Variants in NEFM observed in about 807,000 individuals in gnomAD.
NEFM encodes neurofilament medium chain.
Under a neutral mutation model 48.1 loss-of-function variants are expected in NEFM, and 16 were observed. That is an observed-to-expected ratio of 0.33 (90% CI 0.23 to 0.51). The LOEUF is 0.51. Ranked by LOEUF, NEFM falls within the 20% of genes least tolerant of loss-of-function variation. The probability of loss-of-function intolerance (pLI) is 0.98; values close to 1 mark genes in which losing one functional copy is unlikely to be tolerated. For synonymous variants in NEFM, 465 were observed against 456.9 expected, an observed-to-expected ratio of 1.02 and a Z score of -0.23; for missense variants, 1,107 against 1,136.0, an observed-to-expected ratio of 0.97 and a Z score of 0.37.
In NEFM at chr8:24,918,048, G is replaced by A; in HGVS notation, c.2193G>A (p.Lys731=). The A allele has an allele frequency of 1.9e-6, 3 of 1,555,794 alleles. No individual in the cohort carries two copies. The South Asian group carries it at 3.5e-5, about 18-fold the overall frequency. Residue 731 remains lysine, a synonymous_variant, in exon 3 of 3, where the codon AAG becomes AAA. Transcript: ENST00000221166. ...KEEKPKDVPE[K]KKAESPVKEE... is the part of the protein sequence containing the mutation. ...AGAAACCAAAGGATGTGCCAGAGAAGAAGAAAGCTGAGTCCCCTGTAAAGG... is the reference window on the plus strand; with the variant it reads ...AGAAACCAAAGGATGTGCCAGAGAAAAAGAAAGCTGAGTCCCCTGTAAAGG...
In NEFM at chr8:24,914,915, C is replaced by G. The variant is rs774255083; in HGVS notation, c.1080+42C>G. On this transcript the variant is annotated intron_variant, in intron 1 of 2. Coordinates refer to ENST00000221166, the MANE Select transcript of NEFM (RefSeq NM_005382.2). ...CGCGGCCAGCCTGCGCCAGCGCCAG[C>G]GCCGCGCGCCCCCGACACTTGGGCT... 7 of 1,541,260 alleles carry G rather than the reference C, an allele frequency of 4.5e-6. No individual in the cohort carries two copies. In the Admixed American group the frequency reaches 9.8e-5, roughly 22 times the overall value.
Position 24,914,369 on chromosome 8 carries a change from G to C in NEFM, c.576G>C (p.Glu192Asp). ...IHRLKERFEE[E>D]ARLRDDTEAA... Reference sequence around the variant, plus strand: ...GGCTCAAGGAGCGCTTTGAGGAGGAGGCGCGGTTGCGCGACGACACTGAGG... The same window carrying C: ...GGCTCAAGGAGCGCTTTGAGGAGGACGCGCGGTTGCGCGACGACACTGAGG... Residue 192 changes from glutamate to aspartate, a missense_variant, in exon 1 of 3, where the codon GAG becomes GAC. Glu to Asp is a conservative substitution (Grantham distance 45). Around this residue, in one of 3 missense-constraint regions of NEFM, gnomAD observed 917 missense variants for 916.4 expected, o/e 1.00. Transcript: ENST00000221166. The C allele has an allele frequency of 6.2e-7, 1 of 1,613,646 alleles. No homozygotes were observed. Among genetic ancestry groups the C allele is most frequent in the Non-Finnish European group, 8.5e-7 (1 of 1,179,974 alleles).
rs1586110357 is a variant in NEFM at position 24,918,271 on chromosome 8, G to A, written c.2416G>A (p.Val806Ile). The A allele has an allele frequency of 6.3e-7, 1 of 1,597,902 alleles. No homozygotes were observed. The highest frequency in any genetic ancestry group is 1.8e-5 in the Admixed American group (1 of 56,898). Residue 806 changes from valine to isoleucine, a missense_variant, in exon 3 of 3, where the codon GTA becomes ATA. By Grantham distance (29) the Val-to-Ile change is conservative. This residue lies in a region of NEFM where 917 missense variants were observed against 916.4 expected (regional missense o/e 1.00). Transcript: ENST00000221166. ...RKEDIAVNGE[V>I]EGKEEVEQET... ...GGAAGACATAGCTGTCAATGGGGAGGTAGAAGGAAAAGAGGAGGTAGAGCA... is the reference window on the plus strand; with the variant it reads ...GGAAGACATAGCTGTCAATGGGGAGATAGAAGGAAAAGAGGAGGTAGAGCA...
chr8:24,915,796 T>C lies in NEFM; in HGVS notation c.1205+67T>C, dbSNP rs957473678. ...GTGCAGAGGCTGTTCCGGCAGAGCT[T>C]CCACCACTTAAGTTAAAGCAGGCAG... On this transcript the variant is annotated intron_variant, in intron 2 of 2. Coordinates refer to ENST00000221166, the MANE Select transcript of NEFM (RefSeq NM_005382.2). 8.1e-6 allele frequency: 13 copies of C among 1,610,478 alleles called. No individual in the cohort carries two copies. In the East Asian group the frequency reaches 2.9e-4, roughly 36 times the overall value.
Position 24,917,826 on chromosome 8 carries a change from G to T in NEFM, c.1971G>T (p.Pro657=), listed in dbSNP as rs371898352. 1.9e-6 allele frequency: 3 copies of T among 1,610,266 alleles called. No homozygotes were observed. Among genetic ancestry groups the T allele is most frequent in the Admixed American group, 1.7e-5 (1 of 59,678 alleles). ...PVEEKGKSPV[P]KSPVEEKGKS... ...AAGAGAAAGGCAAGTCTCCTGTGCCGAAATCACCAGTGGAAGAGAAAGGCA... is the reference window on the plus strand; with the variant it reads ...AAGAGAAAGGCAAGTCTCCTGTGCCTAAATCACCAGTGGAAGAGAAAGGCA... The change falls in exon 3 of 3, where the codon CCG becomes CCT. Residue 657 remains proline (P), a synonymous_variant. Coordinates refer to ENST00000221166, the MANE Select transcript of NEFM (RefSeq NM_005382.2).
At position 24,915,709 on chromosome 8, in the gene NEFM, T is replaced by C. The variant is rs141854965; in HGVS notation, c.1185T>C (p.Asp395=). 3.8e-5 allele frequency: 62 copies of C among 1,613,914 alleles called. No individual in the cohort carries two copies. Among genetic ancestry groups the C allele is most frequent in the South Asian group, 1.6e-4 (15 of 91,062 alleles). The change falls in exon 2 of 3, where the codon GAT becomes GAC. Residue 395 remains aspartate, a synonymous_variant. Transcript: ENST00000221166. The part of the protein sequence containing the change: ...QDLLNVKMAL[D]IEIAAYRKLL... ...TCCTCAACGTCAAGATGGCTCTGGA[T>C]ATAGAAATCGCTGCGTACAGGTACG...
At position 24,917,140 on chromosome 8, in the gene NEFM, C is replaced by T; in HGVS notation, c.1285C>T (p.Pro429Ser). ...ITGPLYTHRP[P>S]ITISSKIQKP... ...TGGGCCACTGTATACACACCGACCC[C>T]CAATCACAATATCCAGTAAGATTCA... is the stretch of plus-strand genomic sequence containing the variant. The change falls in exon 3 of 3, where the codon CCA becomes TCA. Residue 429 changes from proline to serine, a missense_variant. Physicochemically the swap from Pro to Ser is moderately conservative, Grantham distance 74 (BLOSUM62 -1). This residue lies in a region of NEFM where 917 missense variants were observed against 916.4 expected (regional missense o/e 1.00). Transcript: ENST00000221166. 1 of 1,614,120 alleles carries T rather than the reference C, an allele frequency of 6.2e-7. No individual in the cohort carries two copies. Among genetic ancestry groups the T allele is most frequent in the Non-Finnish European group, 8.5e-7 (1 of 1,180,030 alleles).
rs781332948 is a variant in NEFM at position 24,914,344 on chromosome 8, G to T, written c.551G>T (p.Arg184Leu). The T allele has an allele frequency of 6.2e-7, 1 of 1,613,576 alleles. No individual in the cohort carries two copies. The highest frequency in any genetic ancestry group is 8.5e-7 in the Non-Finnish European group (1 of 1,179,934). ...DSDHLEEDIHRLKERFEEEAR... is the reference protein window; with the variant it reads ...DSDHLEEDIHLLKERFEEEAR... ...GACCACCTGGAGGAAGACATCCACCGGCTCAAGGAGCGCTTTGAGGAGGAG... is the reference window on the plus strand; with the variant it reads ...GACCACCTGGAGGAAGACATCCACCTGCTCAAGGAGCGCTTTGAGGAGGAG... The change falls in exon 1 of 3, where the codon CGG becomes CTG. Residue 184 changes from arginine (R) to leucine (L), a missense_variant. Physicochemically the swap from Arg to Leu is moderately radical, Grantham distance 102. Coordinates refer to ENST00000221166, the MANE Select transcript of NEFM (RefSeq NM_005382.2).
At chr8:24,915,453 G>T in intron 1 of NEFM, 152 bp from the exon 2 acceptor site, 3 of 1,253,508 alleles carry the variant, frequency 2.4e-6, no homozygotes, top group Non-Finnish European at 2.3e-6. Flanking sequence ...GAAAAAGGGG[G>T]TGGGACGGGG....
chr8:24,914,612 C>T lies in NEFM; in HGVS notation c.819C>T (p.Ile273=). 1.2e-6 allele frequency: 2 copies of T among 1,614,216 alleles called. No individual in the cohort carries two copies. Among genetic ancestry groups the T allele is most frequent in the Non-Finnish European group, 1.7e-6 (2 of 1,180,042 alleles). Residue 273 remains isoleucine, a synonymous_variant, in exon 1 of 3, where the codon ATC becomes ATT. Coordinates refer to ENST00000221166, the MANE Select transcript of NEFM (RefSeq NM_005382.2). The part of the protein sequence containing the change: ...KTDISTALKE[I]RSQLESHSDQ... ...ACATCTCGACGGCGCTGAAGGAAAT[C>T]CGCTCCCAGCTCGAAAGCCACTCAG...
Position 24,914,959 on chromosome 8 carries a change from C to A in NEFM, c.1080+86C>A, listed in dbSNP as rs1048996030. ...TTGGGCTCGTGCCCAGGCGCCCTCTCCGCCGCGCTCCCTGGTGGCCGCTCG... is the reference window on the plus strand; with the variant it reads ...TTGGGCTCGTGCCCAGGCGCCCTCTACGCCGCGCTCCCTGGTGGCCGCTCG... On this transcript the variant is annotated intron_variant, in intron 1 of 2. Coordinates refer to ENST00000221166, the MANE Select transcript of NEFM (RefSeq NM_005382.2). 6 of 1,444,300 alleles carry A rather than the reference C, an allele frequency of 4.2e-6. No homozygotes were observed. The East Asian group carries it at 1.6e-4, about 38-fold the overall frequency. 89.5% of individuals were successfully genotyped at this position (1,444,300 alleles called of 1,614,324 possible).
chr8:24,915,869 A>T (rs1046407098), intron 2 of NEFM, 140 bp downstream of exon 2: 23 of 1,092,808 alleles, frequency 2.1e-5, no homozygotes, highest in Non-Finnish European at 2.8e-5. Context: ...ACTTAAAAAG[A>T]AATTATTCTA....
At chr8:24,915,242 TCGG>T in intron 1 of NEFM, 1 of 1,267,536 alleles carries the variant, frequency 7.9e-7, no homozygotes, top group South Asian at 1.9e-5. Flanking sequence ...CCGGCAGTGA[TCGG>T]AAGAGCTCTC....
In NEFM at chr8:24,917,967, A is replaced by G. The variant is rs761464723; in HGVS notation, c.2112A>G (p.Glu704=). ...AEVGKGEQKE[E]EEKEVKEAPK... The stretch of plus-strand genomic sequence containing the variant: ...TGGGGAAAGGTGAACAGAAAGAGGA[A>G]GAAGAAAAGGAAGTCAAGGAAGCTC... Residue 704 remains glutamate (E), a synonymous_variant, in exon 3 of 3, where the codon GAA becomes GAG. Transcript: ENST00000221166. 1.2e-6 allele frequency: 2 copies of G among 1,613,308 alleles called. No individual in the cohort carries two copies. The highest frequency in any genetic ancestry group is 2.2e-5 in the South Asian group (2 of 90,990).
At chr8:24,915,963 A>G (rs1349160451) in intron 2 of NEFM, among the ~76,000 whole-genome samples, 7 of 152,272 alleles carry the variant, frequency 4.6e-5, no homozygotes, top group Non-Finnish European at 1.0e-4. Context: ...TTTGAATTAC[A>G]CAAAGGAGGT....
In NEFM at chr8:24,917,423, A is replaced by T; in HGVS notation, c.1568A>T (p.Glu523Val). The T allele has an allele frequency of 6.4e-7, 1 of 1,559,098 alleles. No homozygotes were observed. Among genetic ancestry groups the T allele is most frequent in the Non-Finnish European group, 8.7e-7 (1 of 1,150,990 alleles). ...GCAACTGCACCTGAAGTTAAAGAAG[A>T]GGAAGGGGAAAAGGAGGAAGAAGAA... is the stretch of plus-strand genomic sequence containing the variant. ...VKATAPEVKE[E>V]EGEKEEEEGQ... The change falls in exon 3 of 3, where the codon GAG becomes GTG. Residue 523 changes from glutamate to valine, a missense_variant. Glu to Val is a moderately radical substitution (Grantham distance 121). Around this residue, in one of 3 missense-constraint regions of NEFM, gnomAD observed 917 missense variants for 916.4 expected, o/e 1.00. Transcript: ENST00000221166.
rs756498993 is a variant in NEFM, at chr8:24,918,476, C to T, written c.2621C>T (p.Thr874Ile). Residue 874 changes from threonine (T) to isoleucine (I), a missense_variant, in exon 3 of 3, where the codon ACT becomes ATT. Thr to Ile is a moderately conservative substitution (Grantham distance 89, BLOSUM62 -1). This residue lies in a region of NEFM where 917 missense variants were observed against 916.4 expected (regional missense o/e 1.00). Coordinates refer to ENST00000221166, the MANE Select transcript of NEFM (RefSeq NM_005382.2). ...GGAGATGGTGCTACCAAATACATCA[C>T]TAAATCTGTAACCGTCACTCAAAAG... is the stretch of plus-strand genomic sequence containing the variant. Reference protein sequence around the residue: ...EGGDGATKYITKSVTVTQKVE... With the variant: ...EGGDGATKYIIKSVTVTQKVE... The T allele has an allele frequency of 1.8e-5, 29 of 1,613,966 alleles. No individual in the cohort carries two copies. Among genetic ancestry groups the T allele is most frequent in the Non-Finnish European group, 2.3e-5 (27 of 1,179,996 alleles).
rs1489764204 is a variant in NEFM at position 24,914,487 on chromosome 8, G to A, written c.694G>A (p.Ala232Thr). ...GGTGCAGTCGCTGCAGGATGAGGTG[G>A]CCTTCCTGCGGAGCAACCACGAGGA... ...KKVQSLQDEV[A>T]FLRSNHEEEV... is the part of the protein sequence containing the mutation. Residue 232 changes from alanine to threonine, a missense_variant, in exon 1 of 3, where the codon GCC becomes ACC. Transcript: ENST00000221166. 3.1e-6 allele frequency: 5 copies of A among 1,614,032 alleles called. No homozygotes were observed. Among genetic ancestry groups the A allele is most frequent in the African/African-American group, 2.7e-5 (2 of 75,054 alleles).
Position 24,914,093 on chromosome 8 carries a change from C to T in NEFM, c.300C>T (p.Asn100=), listed in dbSNP as rs780069310. ...GCGACTACAAGCTGTCCCGCTCCAACGAGAAGGAGCAGCTGCAGGGGCTGA... is the reference window on the plus strand; with the variant it reads ...GCGACTACAAGCTGTCCCGCTCCAATGAGAAGGAGCAGCTGCAGGGGCTGA... The part of the protein sequence containing the change: ...PGGDYKLSRS[N]EKEQLQGLND... Residue 100 remains asparagine (N), a synonymous_variant, in exon 1 of 3, where the codon AAC becomes AAT. Coordinates refer to ENST00000221166, the MANE Select transcript of NEFM (RefSeq NM_005382.2). 4 of 1,613,044 alleles carry T rather than the reference C, an allele frequency of 2.5e-6. No homozygotes were observed. In the South Asian group the frequency reaches 3.3e-5, roughly 13 times the overall value.
Sources: allele counts gnomAD v4.1 joint callset (sites outside exome capture counted in the v4.1 genomes callset), GRCh38; gene constraint gnomAD v4.1.1; regional missense constraint gnomAD v4.1.1; transcripts MANE v1.5; gene names NCBI Gene and HGNC (gene_info 2026-07-23, HGNC 2026-07-21).